The following APBA2 variants were observed in gnomAD, a reference collection of about 807,000 sequenced individuals.
APBA2 encodes amyloid beta precursor protein binding family A member 2.
APBA2 carries 30 observed loss-of-function variants against 75.0 expected under a neutral mutation model. That is an observed-to-expected ratio of 0.40 (90% CI 0.30 to 0.54). The LOEUF (loss-of-function observed/expected upper bound fraction) is 0.54, where lower values mean the gene tolerates loss of function less well. APBA2 is among the 20% of genes least tolerant of loss of function. APBA2 has a pLI of 0.49. For synonymous variants in APBA2, 444 were observed against 409.6 expected (o/e 1.08, Z -1.01); for missense variants, 801 against 1,016.1 (o/e 0.79, Z 2.88).
chr15:29,026,247 T>C (rs573601399), intron 3 of APBA2, among the ~76,000 whole-genome samples: 9 of 152,312 alleles, frequency 5.9e-5, no homozygotes, highest in African/African-American at 2.2e-4. Flanking sequence ...TGGCCACACC[T>C]GATTCCCCAG....
At chr15:28,920,870 T>A (rs1409420451) in intron 1 of APBA2, among the ~76,000 whole-genome samples, 1 of 152,134 alleles carries the variant, frequency 6.6e-6, no homozygotes, top group African/African-American at 2.4e-5. Context: ...GGTTACATAG[T>A]CTTCTCAGGA....
At chr15:29,103,037 AC>A (rs2152965625) in intron 10 of APBA2, among the ~76,000 whole-genome samples, 1 of 152,298 alleles carries the variant, frequency 6.6e-6, no homozygotes, top group African/African-American at 2.4e-5. Flanking sequence ...CATTCCTTCC[AC>A]CGCTACACGG....
At chr15:29,014,793 T>C (rs1262724578) in intron 3 of APBA2, among the ~76,000 whole-genome samples, 1 of 151,548 alleles carries the variant, frequency 6.6e-6, no homozygotes, top group Non-Finnish European at 1.5e-5. Context: ...ACTGCAGCCT[T>C]GGACTCCTGA....
chr15:29,108,536 G>A (rs142763514), intron 13 of APBA2, 147 bp downstream of exon 13: 1 of 1,289,758 alleles, frequency 7.8e-7, no homozygotes, highest in African/African-American at 1.5e-5. Flanking sequence ...GGCCACCTGG[G>A]GCAGGAACTT....
In APBA2 at chr15:29,046,172, C is replaced by T; in HGVS notation, c.-40-7673C>T. 6.6e-6 allele frequency among the ~76,000 whole-genome samples: 1 copy of T among 152,316 alleles called. No homozygotes were observed. Among genetic ancestry groups the T allele is most frequent in the Non-Finnish European group, 1.5e-5 (1 of 68,028 alleles). On this transcript the variant is annotated intron_variant, in intron 3 of 14. Transcript: ENST00000683413. This position sits in a 1 kb window ranked among gnomAD's most constrained non-coding sequence, Gnocchi z 5.0. ...TTTATCATAAGGCTGCAAACTGCTTCTGTGCAAAAGGCAATGTGTTAGTTC... is the reference window on the plus strand; with the variant it reads ...TTTATCATAAGGCTGCAAACTGCTTTTGTGCAAAAGGCAATGTGTTAGTTC...
intron 2 of APBA2, among the ~76,000 whole-genome samples, chr15:28,925,009 T>C (rs1404671077): frequency 6.6e-6 from 1 of 152,088 alleles, no homozygotes; most frequent in Non-Finnish European, 1.5e-5. Context: ...ATTTCCTGAA[T>C]AGGTTTTTTG....
At chr15:29,049,067 A>G (rs1305648923) in intron 3 of APBA2, among the ~76,000 whole-genome samples, 1 of 152,182 alleles carries the variant, frequency 6.6e-6, no homozygotes, top group Non-Finnish European at 1.5e-5. Flanking sequence ...TGGTCACTGT[A>G]AAACATGAGA....
At chr15:28,889,577 G>C (rs2031991975) in intron 1 of APBA2, among the ~76,000 whole-genome samples, 1 of 152,176 alleles carries the variant, frequency 6.6e-6, no homozygotes, top group Non-Finnish European at 1.5e-5. Flanking sequence ...CAGGCTTACT[G>C]CCCAGATCTG....
At chr15:28,899,275 C>T (rs1044344672) in intron 1 of APBA2, among the ~76,000 whole-genome samples, 1 of 152,260 alleles carries the variant, frequency 6.6e-6, no homozygotes. Context: ...CGTCTCTCCC[C>T]ACCTGCCTTC....
At chr15:29,088,244 T>G (rs1407820755) in intron 6 of APBA2, among the ~76,000 whole-genome samples, 1 of 151,984 alleles carries the variant, frequency 6.6e-6, no homozygotes, top group Non-Finnish European at 1.5e-5. Context: ...CAGAGCAGAG[T>G]CCTGGGGCTT....
In APBA2 at chr15:28,991,716, C is replaced by A. The variant is rs376378750; in HGVS notation, c.-94-4037C>A. 3.3e-5 allele frequency among the ~76,000 whole-genome samples: 5 copies of A among 152,330 alleles called. No individual in the cohort carries two copies. Among genetic ancestry groups the A allele is most frequent in the South Asian group, 4.1e-4 (2 of 4,828 alleles). ...TCTTTGATGCACCCTGATGCCTCCC[C>A]CATCCTGCTGACCATGGTGCTCAGC... On this transcript the variant is annotated intron_variant, in intron 2 of 14. Transcript: ENST00000683413. This position sits in a 1 kb window ranked among gnomAD's most constrained non-coding sequence, Gnocchi z 4.7.
intron 2 of APBA2, among the ~76,000 whole-genome samples, chr15:28,978,192 G>A (rs1480428405): frequency 1.3e-5 from 2 of 152,220 alleles, no homozygotes; most frequent in Non-Finnish European, 2.9e-5. Context: ...GCCAAAGGAA[G>A]GTCTGGACAC....
intron 2 of APBA2, among the ~76,000 whole-genome samples, chr15:28,960,134 G>A: frequency 7.2e-6 from 1 of 138,946 alleles, no homozygotes; most frequent in Admixed American, 7.3e-5. Context: ...AGGTGACAGA[G>A]TGAGACCTTG....
At chr15:28,947,255 G>T (rs1439142981) in intron 2 of APBA2, among the ~76,000 whole-genome samples, 1 of 152,226 alleles carries the variant, frequency 6.6e-6, no homozygotes, top group Non-Finnish European at 1.5e-5. Context: ...CTTGGGTGCA[G>T]TGACAGGACC....
intron 2 of APBA2, among the ~76,000 whole-genome samples, chr15:28,943,764 C>G (rs1218942895): frequency 6.6e-6 from 1 of 152,174 alleles, no homozygotes. Flanking sequence ...CCAGCCCTGG[C>G]TCCTCCAGCC....
intron 2 of APBA2, among the ~76,000 whole-genome samples, chr15:28,952,221 C>T (rs1361767496): frequency 6.6e-6 from 1 of 151,966 alleles, no homozygotes; most frequent in African/African-American, 2.4e-5. Flanking sequence ...ACAAAAAAGA[C>T]TTGGAAGGCT....
chr15:28,918,616 G>A lies in APBA2; in HGVS notation c.-204-3024G>A, dbSNP rs935425260. On this transcript the variant is annotated intron_variant, in intron 1 of 14. Coordinates refer to ENST00000683413, the MANE Select transcript of APBA2 (RefSeq NM_001353788.2). This position sits in a 1 kb window ranked among gnomAD's most constrained non-coding sequence, Gnocchi z 4.2. The stretch of plus-strand genomic sequence containing the variant: ...AAAGGAGTGCCTGATGCGTGTGGGT[G>A]TGGTGGGGTTGGGGGTGGGGGTGGG... 6.6e-6 allele frequency among the ~76,000 whole-genome samples: 1 copy of A among 150,780 alleles called. No homozygotes were observed. Among genetic ancestry groups the A allele is most frequent in the Non-Finnish European group, 1.5e-5 (1 of 67,650 alleles).
chr15:28,945,137 C>T (rs531298452), intron 2 of APBA2, among the ~76,000 whole-genome samples: 4 of 152,310 alleles, frequency 2.6e-5, no homozygotes, highest in Admixed American at 1.3e-4. Context: ...CAGCCAGCCG[C>T]GGCGTCACTG....
At chr15:29,038,628 C>T (rs1595797236) in intron 3 of APBA2, among the ~76,000 whole-genome samples, 1 of 150,934 alleles carries the variant, frequency 6.6e-6, no homozygotes, top group African/African-American at 2.4e-5. Flanking sequence ...GAGGGACACA[C>T]ACCCACTTCC....
Sources: gnomAD v4.1 joint callset for allele counts (sites outside exome capture counted in the v4.1 genomes callset) on GRCh38, gnomAD v4.1.1 for gene constraint, Gnocchi (gnomAD v3.1) non-coding constraint, MANE v1.5 for transcripts, NCBI Gene and HGNC (gene_info 2026-07-23, HGNC 2026-07-21) for gene names.